Variants in C12orf42 observed in about 807,000 individuals in gnomAD.
C12orf42 encodes the protein uncharacterized protein C12orf42.
A neutral mutation model predicts 21.6 loss-of-function variants in C12orf42; 25 were observed. That is an observed-to-expected ratio of 1.16 (90% CI 0.84 to 1.62). The LOEUF (loss-of-function observed/expected upper bound fraction) is 1.62. C12orf42 is among the 40% of genes most tolerant of loss of function. The probability of loss-of-function intolerance (pLI) is 0.00; values close to 1 mark genes in which losing one functional copy is unlikely to be tolerated. For synonymous variants in C12orf42, 174 were observed against 175.0 expected (o/e 0.99, Z 0.05); for missense variants, 483 against 459.3 (o/e 1.05, Z -0.47).
chr12:103,316,899 G>A (rs562694525), intron 4 of C12orf42, among the ~76,000 whole-genome samples: 33 of 151,880 alleles, frequency 2.2e-4, no homozygotes, highest in African/African-American at 6.5e-4. Context: ...ACTCCATGTC[G>A]CCATATCACC....
At chr12:103,435,295 T>C (rs1275766510) in intron 2 of C12orf42, among the ~76,000 whole-genome samples, 1 of 151,874 alleles carries the variant, frequency 6.6e-6, no homozygotes, top group African/African-American at 2.4e-5. Flanking sequence ...ACCACAAAGA[T>C]GGGGAAAAAA....
chr12:103,101,508 A>T, the C12orf42 span, among the ~76,000 whole-genome samples: 1 of 152,226 alleles, frequency 6.6e-6, no homozygotes, highest in African/African-American at 2.4e-5. Context: ...TCAGAAAATT[A>T]AAAACTATAC....
chr12:103,138,087 C>T, the C12orf42 span, among the ~76,000 whole-genome samples: 1 of 152,194 alleles, frequency 6.6e-6, no homozygotes, highest in African/African-American at 2.4e-5. Context: ...AAAACCCTGA[C>T]TTGATCATTA....
At chr12:103,073,132 C>T in the C12orf42 span, among the ~76,000 whole-genome samples, 1 of 152,004 alleles carries the variant, frequency 6.6e-6, no homozygotes, top group African/African-American at 2.4e-5. Context: ...ATGATGAGAA[C>T]ACACGGACAT....
intron 1 of C12orf42, 103 bp from the exon 2 acceptor site, chr12:103,478,550 G>T: frequency 2.1e-6 from 1 of 485,920 alleles, no homozygotes; most frequent in South Asian, 3.7e-5. Flanking sequence ...TCCTATCCAT[G>T]AACATAGTAT....
chr12:103,435,586 G>A (rs1186418817), intron 2 of C12orf42, among the ~76,000 whole-genome samples: 6 of 152,218 alleles, frequency 3.9e-5, no homozygotes, highest in African/African-American at 7.2e-5. Flanking sequence ...ACCAAGGCTC[G>A]AGAACTACAT....
chr12:103,282,596 C>T (rs1000719693), intron 4 of C12orf42, among the ~76,000 whole-genome samples: 47 of 152,082 alleles, frequency 3.1e-4, no homozygotes, highest in Non-Finnish European at 3.2e-4. Context: ...GATGTTCACA[C>T]GATAACAAAA....
chr12:103,520,953 C>T, the C12orf42 span, among the ~76,000 whole-genome samples: 23 of 152,194 alleles, frequency 1.5e-4, no homozygotes, highest in Admixed American at 1.1e-3. Context: ...TCATTCCCTT[C>T]CAAGTTGTGA....
At chr12:103,099,336 A>G in the C12orf42 span, among the ~76,000 whole-genome samples, 1 of 152,224 alleles carries the variant, frequency 6.6e-6, no homozygotes, top group Admixed American at 6.5e-5. Flanking sequence ...TGTTTAGTCA[A>G]CCAAAAATTA....
chr12:103,555,557 T>C, the C12orf42 span, among the ~76,000 whole-genome samples: 2 of 152,110 alleles, frequency 1.3e-5, no homozygotes, highest in African/African-American at 4.8e-5. Flanking sequence ...GGCCTGCCAA[T>C]GCTGCTGATC....
chr12:103,282,416 T>C (rs2036195084), intron 4 of C12orf42, among the ~76,000 whole-genome samples: 1 of 152,212 alleles, frequency 6.6e-6, no homozygotes, highest in Non-Finnish European at 1.5e-5. Flanking sequence ...GCCTTTTCTA[T>C]GTTTAGATAT....
chr12:103,344,504 C>A (rs574075685), intron 4 of C12orf42, among the ~76,000 whole-genome samples: 1 of 152,164 alleles, frequency 6.6e-6, no homozygotes, highest in Admixed American at 6.5e-5. Context: ...GACATGTCAG[C>A]CCCTACTTTG....
intron 3 of C12orf42, among the ~76,000 whole-genome samples, chr12:103,395,406 G>C (rs1034993609): frequency 4.0e-5 from 6 of 148,448 alleles, no homozygotes; most frequent in African/African-American, 1.5e-4. Context: ...GGTGATCTCC[G>C]CTCACCGCAA....
At chr12:103,058,700 G>A in the C12orf42 span, among the ~76,000 whole-genome samples, 1 of 152,148 alleles carries the variant, frequency 6.6e-6, no homozygotes, top group African/African-American at 2.4e-5. Context: ...ACAACTACAT[G>A]GAAACTGAGC....
At chr12:103,123,126 A>G in the C12orf42 span, among the ~76,000 whole-genome samples, 1 of 152,226 alleles carries the variant, frequency 6.6e-6, no homozygotes, top group Non-Finnish European at 1.5e-5. Context: ...GGAGATTAGT[A>G]GAGTAAAATT....
intron 4 of C12orf42, chr12:103,367,955 T>A: frequency 1.3e-6 from 1 of 753,850 alleles, no homozygotes; most frequent in Admixed American, 3.0e-5. Context: ...TAAATATAAG[T>A]GAATGAATAA....
intron 2 of C12orf42, among the ~76,000 whole-genome samples, chr12:103,425,042 C>T (rs1236960616): frequency 6.6e-6 from 1 of 152,166 alleles, no homozygotes; most frequent in Non-Finnish European, 1.5e-5. Flanking sequence ...AGGTGGATTT[C>T]CCCTCACAGT....
intron 4 of C12orf42, among the ~76,000 whole-genome samples, chr12:103,343,862 T>C (rs2042386437): frequency 6.6e-6 from 1 of 152,058 alleles, no homozygotes; most frequent in Non-Finnish European, 1.5e-5. Flanking sequence ...TTTTTACTAA[T>C]ACCCCAATTA....
At chr12:103,344,854 C>T (rs895929293) in intron 4 of C12orf42, among the ~76,000 whole-genome samples, 1 of 152,164 alleles carries the variant, frequency 6.6e-6, no homozygotes, top group African/African-American at 2.4e-5. Flanking sequence ...GAAGTCACAA[C>T]AGTGTATCAG....
Sources: gnomAD v4.1 joint callset for allele counts (sites outside exome capture counted in the v4.1 genomes callset) on GRCh38, gnomAD v4.1.1 for gene constraint, MANE v1.5 for transcripts, NCBI Gene and HGNC (gene_info 2026-07-23, HGNC 2026-07-21) for gene names.